The following GALNT17 variants were observed in gnomAD, a reference collection of about 807,000 sequenced individuals.
The protein encoded by GALNT17 is UDP-GalNAc:polypeptide N-acetylgalactosaminyltransferase-like 3.
GALNT17 carries 29 observed loss-of-function variants against 63.7 expected under a neutral mutation model. The observed-to-expected ratio is 0.46, with a 90% CI of 0.34 to 0.62. GALNT17 has a LOEUF of 0.62. GALNT17 is among the 20% of genes least tolerant of loss of function. GALNT17 has a pLI of 0.01. For missense variants in GALNT17, 603 were observed against 799.6 expected, an observed-to-expected ratio of 0.75 and a Z score of 2.97; for synonymous variants, 305 against 318.3, an observed-to-expected ratio of 0.96 and a Z score of 0.45.
chr7:71,302,169 G>C (rs931777929), intron 1 of GALNT17, among the ~76,000 whole-genome samples: 19 of 152,104 alleles, frequency 1.2e-4, no homozygotes, highest in Non-Finnish European at 2.6e-4. Flanking sequence ...GACACAGGGA[G>C]GGGAGCAACA....
intron 1 of GALNT17, among the ~76,000 whole-genome samples, chr7:71,310,191 C>T (rs1264121542): frequency 6.6e-6 from 1 of 152,172 alleles, no homozygotes; most frequent in Non-Finnish European, 1.5e-5. Context: ...ATGTCTTTAT[C>T]AGCAGCATGA....
chr7:71,571,947 G>A (rs557262983), intron 6 of GALNT17, among the ~76,000 whole-genome samples: 1 of 150,782 alleles, frequency 6.6e-6, no homozygotes, highest in South Asian at 2.1e-4. Context: ...AGGAGTTCGA[G>A]GCTGCAGTGA....
chr7:71,327,328 G>C (rs1791722108), intron 1 of GALNT17, among the ~76,000 whole-genome samples: 1 of 152,176 alleles, frequency 6.6e-6, no homozygotes, highest in Non-Finnish European at 1.5e-5. Flanking sequence ...AAGGGGAAAG[G>C]CATGTCTTAC....
chr7:71,641,295 T>C (rs938046242), intron 6 of GALNT17, among the ~76,000 whole-genome samples: 1 of 152,212 alleles, frequency 6.6e-6, no homozygotes, highest in Non-Finnish European at 1.5e-5. Context: ...CATAACTTAA[T>C]AGGTGTGTGT....
chr7:71,659,943 G>A (rs1304459032), intron 6 of GALNT17, among the ~76,000 whole-genome samples: 3 of 152,076 alleles, frequency 2.0e-5, no homozygotes, highest in Non-Finnish European at 4.4e-5. Context: ...CCACATCCTC[G>A]TGTTACACGC....
chr7:71,565,653 A>G (rs2116865740), intron 5 of GALNT17, among the ~76,000 whole-genome samples: 1 of 152,114 alleles, frequency 6.6e-6, no homozygotes, highest in East Asian at 1.9e-4. Context: ...GCTGCTGGAA[A>G]TACCATGAGA....
intron 4 of GALNT17, among the ~76,000 whole-genome samples, chr7:71,417,269 TG>T (rs1786552593): frequency 6.6e-6 from 1 of 152,184 alleles, no homozygotes. Context: ...ATCCTTTTAA[TG>T]GCAGGATAAA....
chr7:71,274,924 G>T (rs1491002490), intron 1 of GALNT17, among the ~76,000 whole-genome samples: 1 of 152,188 alleles, frequency 6.6e-6, no homozygotes, highest in African/African-American at 2.4e-5. Flanking sequence ...ACTACTGATG[G>T]GCTGGGGACC....
At chr7:71,271,073 C>A (rs967898533) in intron 1 of GALNT17, among the ~76,000 whole-genome samples, 9 of 152,146 alleles carry the variant, frequency 5.9e-5, no homozygotes, top group African/African-American at 1.9e-4. Flanking sequence ...GTTAATAATA[C>A]CAAATTTCAT....
chr7:71,349,232 G>C (rs76675875), intron 2 of GALNT17, among the ~76,000 whole-genome samples: 4 of 113,862 alleles, frequency 3.5e-5, no homozygotes, highest in Non-Finnish European at 7.0e-5. Flanking sequence ...CGGTGCTTTC[G>C]TAACAAGCTG....
At chr7:71,259,495 C>A (rs1790344167) in intron 1 of GALNT17, among the ~76,000 whole-genome samples, 1 of 152,136 alleles carries the variant, frequency 6.6e-6, no homozygotes, top group South Asian at 2.1e-4. Flanking sequence ...GGAAACGAAG[C>A]ACTGGTCCCT....
At chr7:71,230,144 TTC>T (rs1789760630) in intron 1 of GALNT17, among the ~76,000 whole-genome samples, 1 of 152,194 alleles carries the variant, frequency 6.6e-6, no homozygotes, top group African/African-American at 2.4e-5. Flanking sequence ...TTGCTGCTTT[TTC>T]TCTGTGTGCC....
At chr7:71,201,892 C>A (rs1156336391) in intron 1 of GALNT17, among the ~76,000 whole-genome samples, 1 of 152,206 alleles carries the variant, frequency 6.6e-6, no homozygotes, top group African/African-American at 2.4e-5. Context: ...CTCTGCCTCC[C>A]AGAGTGCTGG....
At chr7:71,657,409 C>T (rs534729360) in intron 6 of GALNT17, among the ~76,000 whole-genome samples, 19 of 152,274 alleles carry the variant, frequency 1.2e-4, no homozygotes, top group Admixed American at 1.2e-3. Flanking sequence ...GAGCCCATAG[C>T]CTGTGAGCAT....
intron 3 of GALNT17, among the ~76,000 whole-genome samples, chr7:71,398,657 G>A (rs1382610929): frequency 6.6e-6 from 1 of 152,114 alleles, no homozygotes; most frequent in Non-Finnish European, 1.5e-5. Context: ...CTCTTAAATA[G>A]TGATTAGACA....
intron 2 of GALNT17, among the ~76,000 whole-genome samples, chr7:71,372,977 G>A (rs1792653288): frequency 6.6e-6 from 1 of 152,124 alleles, no homozygotes; most frequent in South Asian, 2.1e-4. Flanking sequence ...TGTCGAGGTG[G>A]GGAGCTTTTA....
chr7:71,354,744 T>C (rs1792251740), intron 2 of GALNT17, among the ~76,000 whole-genome samples: 1 of 152,192 alleles, frequency 6.6e-6, no homozygotes, highest in South Asian at 2.1e-4. Flanking sequence ...TTTTCAATCC[T>C]CTGGAACAAT....
intron 6 of GALNT17, among the ~76,000 whole-genome samples, chr7:71,575,810 G>A (rs1017234717): frequency 9.2e-5 from 14 of 152,088 alleles, no homozygotes; most frequent in African/African-American, 3.4e-4. Context: ...CACAAGAATA[G>A]AAAGTCTTAC....
intron 5 of GALNT17, among the ~76,000 whole-genome samples, chr7:71,486,864 AAAAAAAAAAC>A (rs1787919106): frequency 6.6e-6 from 1 of 151,828 alleles, no homozygotes; most frequent in South Asian, 2.1e-4. Flanking sequence ...CCCTGTCCAA[AAAAAAAAAAC>A]AAAAAAAAAC....
Sources: gnomAD v4.1 joint callset for allele counts (sites outside exome capture counted in the v4.1 genomes callset) on GRCh38, gnomAD v4.1.1 for gene constraint, MANE v1.5 for transcripts, NCBI Gene and HGNC (gene_info 2026-07-23, HGNC 2026-07-21) for gene names.